The following PXT1 variants were observed in gnomAD, a reference collection of about 807,000 sequenced individuals.
PXT1 encodes peroxisomal testis-specific protein 1.
A neutral mutation model predicts 11.0 loss-of-function variants in PXT1; 11 were observed. That is an observed-to-expected ratio of 1.00 (90% confidence interval 0.63 to 1.66). The LOEUF is 1.66. PXT1 is among the 40% of genes most tolerant of loss of function. PXT1 has a pLI of 0.00. For synonymous variants in PXT1, 43 were observed against 51.4 expected (o/e 0.84, Z 0.70); for missense variants, 141 against 155.5 (o/e 0.91, Z 0.49).
intron 3 of PXT1, among the ~76,000 whole-genome samples, chr6:36,415,832 T>C (rs1423562971): frequency 6.6e-6 from 1 of 152,084 alleles, no homozygotes; most frequent in Admixed American, 6.5e-5. Flanking sequence ...ATATGAGGAT[T>C]AGTTTTGAAC....
chr6:36,419,822 C>T (rs377018252), intron 3 of PXT1, among the ~76,000 whole-genome samples: 14 of 152,224 alleles, frequency 9.2e-5, no homozygotes, highest in African/African-American at 3.1e-4. Flanking sequence ...TTAAAGCTCC[C>T]GGTTTAGAAC....
At chr6:36,407,934 G>C (rs866701449) in intron 3 of PXT1, among the ~76,000 whole-genome samples, 22 of 150,030 alleles carry the variant, frequency 1.5e-4, no homozygotes, top group African/African-American at 5.4e-4. Context: ...AGCCCAGCTG[G>C]TTAATCCTTT....
At chr6:36,441,111 G>GA (rs970159726) in intron 1 of PXT1, among the ~76,000 whole-genome samples, 8,554 of 71,250 alleles carry the variant, frequency 0.12, 344 homozygotes, top group South Asian at 0.23. Flanking sequence ...TCCACAAAAA[G>GA]AAAAAAAAAA....
chr6:36,425,734 G>A (rs1774592333), intron 3 of PXT1, among the ~76,000 whole-genome samples, 180 bp downstream of exon 3: 1 of 151,466 alleles, frequency 6.6e-6, no homozygotes, highest in African/African-American at 2.4e-5. Context: ...GTTGCAGAGA[G>A]CTGAGATGGC....
At chr6:36,417,056 A>C (rs1467670351) in intron 3 of PXT1, among the ~76,000 whole-genome samples, 2 of 152,196 alleles carry the variant, frequency 1.3e-5, no homozygotes, top group African/African-American at 4.8e-5. Context: ...GTATTAAAAT[A>C]ACTTAACGGC....
At chr6:36,405,745 A>G (rs1317524847) in intron 3 of PXT1, among the ~76,000 whole-genome samples, 2 of 152,208 alleles carry the variant, frequency 1.3e-5, no homozygotes, top group Non-Finnish European at 2.9e-5. Flanking sequence ...CTGCAGGCTC[A>G]ATTTATGGTA....
intron 2 of PXT1, among the ~76,000 whole-genome samples, chr6:36,434,515 A>T (rs1457429126): frequency 1.3e-5 from 2 of 152,234 alleles, no homozygotes; most frequent in Non-Finnish European, 2.9e-5. Context: ...GTTGAATCCA[A>T]CCAAATGAGG....
chr6:36,428,995 T>G (rs1190090229), intron 2 of PXT1, among the ~76,000 whole-genome samples: 1 of 151,720 alleles, frequency 6.6e-6, no homozygotes, highest in Non-Finnish European at 1.5e-5. Context: ...CCAGAAGTGG[T>G]GTGGCTTATG....
At chr6:36,424,575 G>A (rs1348754640) in intron 3 of PXT1, among the ~76,000 whole-genome samples, 1 of 152,202 alleles carries the variant, frequency 6.6e-6, no homozygotes, top group Non-Finnish European at 1.5e-5. Flanking sequence ...GGGAGGCGGA[G>A]CTACAGTGAG....
chr6:36,425,805 A>ACAAACAAACAAAAATAT (rs763685304), intron 3 of PXT1, 109 bp downstream of exon 3: 1 of 321,574 alleles, frequency 3.1e-6, no homozygotes, highest in African/African-American at 2.3e-5. Context: ...AAAAACAAAA[A>ACAAACAAACAAAAATAT]ATATATATAT....
intron 3 of PXT1, among the ~76,000 whole-genome samples, chr6:36,421,105 T>G (rs1774518799): frequency 6.6e-6 from 1 of 150,408 alleles, no homozygotes; most frequent in Non-Finnish European, 1.5e-5. Flanking sequence ...ATTGTGGTTA[T>G]GCAGAAAAAT....
At chr6:36,425,649 G>A (rs1449294738) in intron 3 of PXT1, among the ~76,000 whole-genome samples, 6 of 151,670 alleles carry the variant, frequency 4.0e-5, no homozygotes, top group African/African-American at 4.8e-5. Context: ...TTAGCCCAGC[G>A]TGGTGGTGGG....
chr6:36,414,287 G>A (rs936295517), intron 3 of PXT1, among the ~76,000 whole-genome samples: 8 of 152,188 alleles, frequency 5.3e-5, no homozygotes, highest in African/African-American at 1.9e-4. Context: ...TCAAAGGGAA[G>A]TTCCCAGTGG....
In PXT1 at chr6:36,427,089, G is replaced by A. The variant is rs1000915981; in HGVS notation, c.-9-998C>T. 7.7e-5 allele frequency among the ~76,000 whole-genome samples: 9 copies of A among 117,168 alleles called. No homozygotes were observed. The South Asian group carries it at 1.8e-3, about 24-fold the overall frequency. The allele number at this position is 117,168 out of a possible 152,430, so 76.9% of individuals were successfully genotyped here. The stretch of plus-strand genomic sequence containing the variant: ...CAGATCTCGGCTCACTGCAACCTCT[G>A]CCTCCTGGGTTCAAGCAATTCTCCT... On this transcript the variant is annotated intron_variant, in intron 2 of 4. Coordinates refer to ENST00000454782, the MANE Select transcript of PXT1 (RefSeq NM_152990.4).
In PXT1 at chr6:36,390,684, T is replaced by C. The variant is rs2127408180; in HGVS notation, c.*1086A>G. 1 of 152,320 alleles carries C rather than the reference T, an allele frequency of 6.6e-6. No homozygotes were observed. Among genetic ancestry groups the C allele is most frequent in the Non-Finnish European group, 1.5e-5 (1 of 68,032 alleles). 9.4% of individuals were successfully genotyped at this position (152,320 alleles called of 1,614,324 possible). A position where few individuals can be genotyped will look rare whatever the true frequency, so the allele number is the denominator to read the frequency against. On this transcript the variant is annotated 3_prime_UTR_variant, in exon 5 of 5. Coordinates refer to ENST00000454782, the MANE Select transcript of PXT1 (RefSeq NM_152990.4). The stretch of plus-strand genomic sequence containing the variant: ...AACAAGCTTTCCTAATATTTATAAT[T>C]CTTTTAAAGGAGGGGAGAGAGGGAC...
intron 3 of PXT1, among the ~76,000 whole-genome samples, chr6:36,420,658 AT>A (rs935395994): frequency 2.6e-5 from 4 of 152,050 alleles, no homozygotes; most frequent in East Asian, 1.9e-4. Context: ...AAGAAAATAT[AT>A]TTTTTAAGCA....
At chr6:36,433,454 T>C (rs1990588012) in intron 2 of PXT1, among the ~76,000 whole-genome samples, 1 of 152,128 alleles carries the variant, frequency 6.6e-6, no homozygotes, top group East Asian at 1.9e-4. Flanking sequence ...AAAACTGCTC[T>C]GATGTCCTTA....
chr6:36,439,488 C>T (rs1774823868), intron 1 of PXT1, among the ~76,000 whole-genome samples: 1 of 151,642 alleles, frequency 6.6e-6, no homozygotes, highest in Admixed American at 6.6e-5. Flanking sequence ...TGGCGCATGC[C>T]TGTAATCCCA....
chr6:36,401,446 C>T (rs1774213241), intron 3 of PXT1, among the ~76,000 whole-genome samples: 1 of 152,004 alleles, frequency 6.6e-6, no homozygotes, highest in Non-Finnish European at 1.5e-5. Context: ...AAGACCTTGT[C>T]TCTACAGAAA....
Sources: gnomAD v4.1 joint callset for allele counts (sites outside exome capture counted in the v4.1 genomes callset) on GRCh38, gnomAD v4.1.1 for gene constraint, MANE v1.5 for transcripts, NCBI Gene and HGNC (gene_info 2026-07-23, HGNC 2026-07-21) for gene names.